TTLL1: variants seen among roughly 807,000 people sequenced by gnomAD.
TTLL1 encodes TTL family tubulin polyglutamylase complex subunit L1, also known as polyglutamylase complex subunit TTLL1.
Under a neutral mutation model 47.8 loss-of-function variants are expected in TTLL1, and 33 were observed. That is an observed-to-expected ratio of 0.69 (90% CI 0.52 to 0.92). The LOEUF (loss-of-function observed/expected upper bound fraction) is 0.92, where lower values mean the gene tolerates loss of function less well. TTLL1 is among the 40% of genes least tolerant of loss of function. The probability of loss-of-function intolerance (pLI) is 0.00; values close to 1 mark genes in which losing one functional copy is unlikely to be tolerated. For missense variants in TTLL1, 488 were observed against 547.5 expected (o/e 0.89, Z 1.08); for synonymous variants, 225 against 214.1 (o/e 1.05, Z -0.45).
chr22:43,069,995 C>T, intron 3 of TTLL1, 151 bp from the exon 4 acceptor site: 1 of 1,350,086 alleles, frequency 7.4e-7, no homozygotes, highest in Non-Finnish European at 1.0e-6. Context: ...GCCCGGCCCA[C>T]AGCAGCAGAG....
At chr22:43,084,867 T>C (rs1929127002) in intron 1 of TTLL1, among the ~76,000 whole-genome samples, 1 of 151,812 alleles carries the variant, frequency 6.6e-6, no homozygotes, top group African/African-American at 2.4e-5. Flanking sequence ...GGAGTAATTC[T>C]AGCCAGGGCC....
intron 2 of TTLL1, among the ~76,000 whole-genome samples, chr22:43,079,484 G>A (rs965648596): frequency 6.6e-6 from 1 of 152,248 alleles, no homozygotes; most frequent in Non-Finnish European, 1.5e-5. Context: ...TTTTCACTAT[G>A]TGATTTCAGC....
intron 9 of TTLL1, 98 bp from the exon 10 acceptor site, chr22:43,046,671 A>G: frequency 7.0e-7 from 1 of 1,423,340 alleles, no homozygotes; most frequent in Non-Finnish European, 9.6e-7. Context: ...TACACACTTT[A>G]GTGAAGTTTT....
chr22:43,055,241 C>T (rs1057373301), intron 8 of TTLL1, among the ~76,000 whole-genome samples: 2 of 151,516 alleles, frequency 1.3e-5, no homozygotes, highest in Non-Finnish European at 2.9e-5. Flanking sequence ...CCAGGCTGGT[C>T]TTCAACTCCT....
chr22:43,056,788 A>T (rs766149367), intron 8 of TTLL1, among the ~76,000 whole-genome samples: 18 of 150,532 alleles, frequency 1.2e-4, no homozygotes, highest in Non-Finnish European at 2.5e-4. Flanking sequence ...CCATCTCAAA[A>T]ACAAAACAAA....
chr22:43,077,017 T>C (rs888089534), intron 2 of TTLL1, among the ~76,000 whole-genome samples: 6 of 151,364 alleles, frequency 4.0e-5, no homozygotes, highest in South Asian at 2.1e-4. Flanking sequence ...AGGAGAATGG[T>C]GTGAACCCGG....
At chr22:43,039,959 C>A in intron 10 of TTLL1, 54 bp from the exon 11 acceptor site, 1 of 1,582,022 alleles carries the variant, frequency 6.3e-7, no homozygotes, top group South Asian at 1.1e-5. Flanking sequence ...AGGCAACAGG[C>A]AGGGCCACCA....
At chr22:43,051,273 G>A (rs1392922491) in intron 9 of TTLL1, among the ~76,000 whole-genome samples, 1 of 152,264 alleles carries the variant, frequency 6.6e-6, no homozygotes, top group Non-Finnish European at 1.5e-5. Context: ...AGCCAGGCTT[G>A]GTGTCAGGAG....
intron 8 of TTLL1, among the ~76,000 whole-genome samples, chr22:43,055,805 T>G (rs1926959806): frequency 6.6e-6 from 1 of 152,088 alleles, no homozygotes; most frequent in Non-Finnish European, 1.5e-5. Flanking sequence ...CACTGAAGCC[T>G]TTCACTTCAA....
At chr22:43,073,213 A>G (rs1928243897) in intron 3 of TTLL1, among the ~76,000 whole-genome samples, 2 of 151,576 alleles carry the variant, frequency 1.3e-5, no homozygotes, top group Non-Finnish European at 2.9e-5. Flanking sequence ...ACAGGGTTTC[A>G]CCATGTTGGC....
chr22:43,063,816 G>C lies in TTLL1; in HGVS notation c.744C>G (p.His248Gln). 1 of 1,613,616 alleles carries C rather than the reference G, an allele frequency of 6.2e-7. No homozygotes were observed. The highest frequency in any genetic ancestry group is 8.5e-7 in the Non-Finnish European group (1 of 1,179,580). ...VHLTNVAIQK[H>Q]GEDYNHIHGG... is the part of the protein sequence containing the mutation. ...ACAAATGAAAGGACACACTCACCCC[G>C]TGTTTCTGGATGGCGACGTTGGTGA... The change falls in exon 7 of 11, where the codon CAC (histidine) becomes CAG (glutamine). Residue 248 changes from histidine to glutamine, a missense_variant. His to Gln is a conservative substitution (Grantham distance 24). Transcript: ENST00000266254.
intron 2 of TTLL1, among the ~76,000 whole-genome samples, chr22:43,077,386 C>A (rs1165012987): frequency 6.6e-6 from 1 of 152,204 alleles, no homozygotes; most frequent in Non-Finnish European, 1.5e-5. Flanking sequence ...ATGAATGTCG[C>A]TTGCTCCACA....
At chr22:43,067,668 A>G (rs6003028) in intron 5 of TTLL1, among the ~76,000 whole-genome samples, 14,265 of 152,066 alleles carry the variant, frequency 0.094, 902 homozygotes, top group African/African-American at 0.17. Context: ...TGTGTGGCTC[A>G]TGGCCAAAGA....
rs546549746 is a variant in TTLL1 at position 43,072,240 on chromosome 22, G to C, written c.114-2396C>G. ...GTGACCTCGGCTCACTGCAATCTCC[G>C]CCTCCCGGGTTCACGCCATTCTCCT... On this transcript the variant is annotated intron_variant, in intron 3 of 10. Coordinates refer to ENST00000266254, the MANE Select transcript of TTLL1 (RefSeq NM_012263.5). Among the ~76,000 whole-genome samples the C allele has an allele frequency of 4.2e-5, 6 of 144,358 alleles. No individual in the cohort carries two copies. The South Asian group carries it at 6.6e-4, about 16-fold the overall frequency. 94.7% of individuals were successfully genotyped at this position (144,358 alleles called of 152,430 possible).
At chr22:43,069,569 G>C in intron 4 of TTLL1, 67 bp downstream of exon 4, 1 of 1,602,856 alleles carries the variant, frequency 6.2e-7, no homozygotes, top group Non-Finnish European at 8.5e-7. Context: ...CCACCTCAGC[G>C]CCTCGCGCCC....
intron 1 of TTLL1, among the ~76,000 whole-genome samples, chr22:43,081,267 T>G (rs559565945): frequency 6.6e-6 from 1 of 151,876 alleles, no homozygotes; most frequent in African/African-American, 2.4e-5. Flanking sequence ...AAGCCCCCCA[T>G]CCATCCTGCC....
At chr22:43,040,090 G>T (rs1172541667) in intron 10 of TTLL1, 185 bp from the exon 11 acceptor site, 11 of 677,502 alleles carry the variant, frequency 1.6e-5, no homozygotes, top group Non-Finnish European at 2.6e-5. Context: ...CCTGCCAGGT[G>T]GCTCTCGCAG....
At chr22:43,045,023 C>T (rs1057441543) in intron 10 of TTLL1, among the ~76,000 whole-genome samples, 2 of 152,030 alleles carry the variant, frequency 1.3e-5, no homozygotes, top group Non-Finnish European at 2.9e-5. Flanking sequence ...CTACCACACC[C>T]GGCTAATTTT....
chr22:43,041,532 C>CTTTTTTTT (rs112180579), intron 10 of TTLL1, among the ~76,000 whole-genome samples: 1,811 of 140,278 alleles, frequency 0.013, 71 homozygotes, highest in African/African-American at 0.044. Flanking sequence ...TTTCTGATTC[C>CTTTTTTTT]TTTTTTTTTT....
Sources: allele counts gnomAD v4.1 joint callset (sites outside exome capture counted in the v4.1 genomes callset), GRCh38; gene constraint gnomAD v4.1.1; transcripts MANE v1.5; gene names NCBI Gene and HGNC (gene_info 2026-07-23, HGNC 2026-07-21).